PTPRD: variants seen among roughly 807,000 people sequenced by gnomAD.
PTPRD encodes receptor-type tyrosine-protein phosphatase delta.
A neutral mutation model predicts 214.5 loss-of-function variants in PTPRD; 34 were observed. The ratio of observed to expected loss-of-function variants is 0.16; its 90% CI spans 0.12 to 0.21. The LOEUF (loss-of-function observed/expected upper bound fraction) is 0.21, where lower values mean the gene tolerates loss of function less well. Ranked by LOEUF, PTPRD falls within the 10% of genes least tolerant of loss-of-function variation. The probability of loss-of-function intolerance (pLI) is 1.00; values close to 1 mark genes in which losing one functional copy is unlikely to be tolerated. For synonymous variants in PTPRD, 1,128 were observed against 845.7 expected, an observed-to-expected ratio of 1.33 and a Z score of -5.79; for missense variants, 2,545 against 2,398.7, an observed-to-expected ratio of 1.06 and a Z score of -1.27.
At chr9:8,911,801 A>G (rs2098750205) in intron 11 of PTPRD, among the ~76,000 whole-genome samples, 1 of 152,198 alleles carries the variant, frequency 6.6e-6, no homozygotes, top group African/African-American at 2.4e-5. Flanking sequence ...AAAAGATATA[A>G]ATAACTCATA....
chr9:8,382,997 T>C (rs1050306432), intron 37 of PTPRD, among the ~76,000 whole-genome samples: 8 of 152,230 alleles, frequency 5.3e-5, no homozygotes, highest in African/African-American at 1.9e-4. Context: ...GGCCAAGAAT[T>C]AGTCTGCCAC....
chr9:9,688,992 T>C (rs1190520722), intron 7 of PTPRD, among the ~76,000 whole-genome samples: 9 of 151,846 alleles, frequency 5.9e-5, no homozygotes, highest in South Asian at 4.1e-4. Context: ...GACTCCAGCA[T>C]ACAAAAACAA....
intron 14 of PTPRD, among the ~76,000 whole-genome samples, chr9:8,598,467 A>AAAAT (rs61195965): frequency 1.1e-3 from 165 of 151,886 alleles, no homozygotes; most frequent in East Asian, 2.5e-3. Context: ...TCAAAAAAAT[A>AAAAT]AAATAAATAA....
intron 3 of PTPRD, among the ~76,000 whole-genome samples, chr9:10,094,876 A>G (rs888931148): frequency 2.0e-5 from 3 of 151,478 alleles, no homozygotes; most frequent in Non-Finnish European, 4.4e-5. Flanking sequence ...TTTATGCATT[A>G]GTAATCGTGG....
chr9:9,905,599 T>A (rs893453727), intron 5 of PTPRD, among the ~76,000 whole-genome samples: 1 of 151,332 alleles, frequency 6.6e-6, no homozygotes, highest in Admixed American at 6.6e-5. Flanking sequence ...AATATACTGG[T>A]CCCTATTCTC....
intron 8 of PTPRD, among the ~76,000 whole-genome samples, chr9:9,456,603 C>T (rs2093038636): frequency 6.6e-6 from 1 of 151,846 alleles, no homozygotes; most frequent in Non-Finnish European, 1.5e-5. Context: ...TAGCCTCTAA[C>T]TATCACCTCT....
chr9:8,993,644 G>T (rs1329189076), intron 11 of PTPRD, among the ~76,000 whole-genome samples: 2 of 152,098 alleles, frequency 1.3e-5, no homozygotes, highest in Non-Finnish European at 2.9e-5. Flanking sequence ...AGCTTAAATG[G>T]AAGAAAATCT....
intron 3 of PTPRD, among the ~76,000 whole-genome samples, chr9:10,121,647 A>G (rs558781390): frequency 4.8e-4 from 73 of 152,294 alleles, no homozygotes; most frequent in Non-Finnish European, 7.5e-4. Flanking sequence ...GTCTATGAGA[A>G]TCTTCCATTT....
At chr9:8,929,780 G>GTGTATATAT in intron 11 of PTPRD, among the ~76,000 whole-genome samples, 1 of 82,446 alleles carries the variant, frequency 1.2e-5, no homozygotes, top group South Asian at 3.8e-4. Context: ...TATATATATG[G>GTGTATATAT]GTGTGTATAT....
At chr9:9,204,366 A>G (rs2099943565) in intron 9 of PTPRD, among the ~76,000 whole-genome samples, 1 of 152,152 alleles carries the variant, frequency 6.6e-6, no homozygotes, top group Non-Finnish European at 1.5e-5. Context: ...ACTTATCATC[A>G]CAAAATCAAG....
intron 7 of PTPRD, among the ~76,000 whole-genome samples, chr9:9,625,436 G>A (rs2095391886): frequency 6.6e-6 from 1 of 152,128 alleles, no homozygotes; most frequent in African/African-American, 2.4e-5. Flanking sequence ...ACCAGCGTCT[G>A]GGAGCTTCTG....
intron 2 of PTPRD, among the ~76,000 whole-genome samples, chr9:10,405,421 T>A (rs2098338012): frequency 6.6e-6 from 1 of 151,460 alleles, no homozygotes; most frequent in South Asian, 2.1e-4. Context: ...GGGGAGAAAA[T>A]AAAACAGATA....
chr9:9,676,628 T>C (rs1321872149), intron 7 of PTPRD, among the ~76,000 whole-genome samples: 5 of 152,152 alleles, frequency 3.3e-5, no homozygotes, highest in Non-Finnish European at 5.9e-5. Flanking sequence ...TTATAATCCT[T>C]TGGGTATATA....
chr9:9,822,181 G>A (rs1204441784), intron 5 of PTPRD, among the ~76,000 whole-genome samples: 1 of 150,620 alleles, frequency 6.6e-6, no homozygotes, highest in East Asian at 1.9e-4. Context: ...GGGAGGCTGA[G>A]GTGGGTGGAT....
At chr9:10,314,358 G>A (rs900055148) in intron 3 of PTPRD, among the ~76,000 whole-genome samples, 1 of 151,864 alleles carries the variant, frequency 6.6e-6, no homozygotes. Flanking sequence ...TTTTTTACAG[G>A]TGAAGGATGA....
chr9:9,672,985 T>C (rs1009000517), intron 7 of PTPRD, among the ~76,000 whole-genome samples: 1 of 152,016 alleles, frequency 6.6e-6, no homozygotes, highest in Non-Finnish European at 1.5e-5. Context: ...GACAGACACA[T>C]AGACCTTGAT....
intron 39 of PTPRD, among the ~76,000 whole-genome samples, chr9:8,353,697 G>A (rs1298589836): frequency 6.6e-6 from 1 of 151,804 alleles, no homozygotes; most frequent in Non-Finnish European, 1.5e-5. Flanking sequence ...GCCCCCCAAA[G>A]TGGTGGGATT....
chr9:10,558,359 T>A, intron 2 of PTPRD, among the ~76,000 whole-genome samples: 1 of 152,300 alleles, frequency 6.6e-6, no homozygotes, highest in East Asian at 1.9e-4. Flanking sequence ...AATAAAAGTT[T>A]CAGAGTCCTG....
At chr9:10,248,131 C>A (rs1455350507) in intron 3 of PTPRD, among the ~76,000 whole-genome samples, 2 of 152,096 alleles carry the variant, frequency 1.3e-5, no homozygotes, top group African/African-American at 4.8e-5. Context: ...GTCCAATAAA[C>A]CTCTTTCTTT....
Sources: gnomAD v4.1 joint callset for allele counts (sites outside exome capture counted in the v4.1 genomes callset) on GRCh38, gnomAD v4.1.1 for gene constraint, MANE v1.5 for transcripts, NCBI Gene and HGNC (gene_info 2026-07-23, HGNC 2026-07-21) for gene names.